The following NUP107 variants were observed in gnomAD, a reference collection of about 807,000 sequenced individuals.
NUP107 encodes nuclear pore complex protein Nup107.
Under a neutral mutation model 141.0 loss-of-function variants are expected in NUP107, and 101 were observed. The observed-to-expected ratio is 0.72, with a 90% CI of 0.61 to 0.84. The LOEUF is 0.84. NUP107 is among the 40% of genes least tolerant of loss of function. The pLI, the probability that NUP107 is intolerant of heterozygous loss-of-function variation, is 0.00. For synonymous variants in NUP107, 319 were observed against 363.9 expected (o/e 0.88, Z 1.41); for missense variants, 941 against 1,102.7 (o/e 0.85, Z 2.08).
chr12:68,732,883 A>C (rs1056560432), intron 23 of NUP107, 144 bp downstream of exon 23: 2 of 484,146 alleles, frequency 4.1e-6, no homozygotes, highest in Non-Finnish European at 7.3e-6. Flanking sequence ...GGGTCTCACT[A>C]TGTTGCCTAG....
chr12:68,726,346 G>C (rs919576188), intron 18 of NUP107, among the ~76,000 whole-genome samples, 153 bp from the exon 19 acceptor site: 1 of 152,168 alleles, frequency 6.6e-6, no homozygotes, highest in African/African-American at 2.4e-5. Context: ...CCCAAACTCT[G>C]TTTCAAAGAG....
chr12:68,711,224 G>A (rs1208819289), intron 10 of NUP107, among the ~76,000 whole-genome samples: 5 of 151,930 alleles, frequency 3.3e-5, no homozygotes, highest in South Asian at 4.2e-4. Flanking sequence ...GGTGGCGGGC[G>A]CCTGTAGTCC....
Position 68,719,592 on chromosome 12 carries a change from C to A in NUP107, c.1189C>A (p.Pro397Thr). 1 of 1,611,872 alleles carries A rather than the reference C, an allele frequency of 6.2e-7. No individual in the cohort carries two copies. Among genetic ancestry groups the A allele is most frequent in the African/African-American group, 1.3e-5 (1 of 74,964 alleles). ...CTATTTTATAGGAACAGAATTAGAA[C>A]CTGTTGAAGGGAATCCATATAGACG... ...PNVNGGTELEPVEGNPYRRIW... is the reference protein window; with the variant it reads ...PNVNGGTELETVEGNPYRRIW... Residue 397 changes from proline (P) to threonine (T), a missense_variant, in exon 14 of 28, where the codon CCT becomes ACT. Pro to Thr is a conservative substitution (Grantham distance 38). Transcript: ENST00000229179.
At chr12:68,696,225 C>G (rs1876045840) in intron 5 of NUP107, among the ~76,000 whole-genome samples, 1 of 151,720 alleles carries the variant, frequency 6.6e-6, no homozygotes, top group African/African-American at 2.4e-5. Context: ...GTTGGCTGGG[C>G]ATGGTGGCAC....
At position 68,735,452 on chromosome 12, in the gene NUP107, A is replaced by T. The variant is rs192335497; in HGVS notation, c.2502+108A>T. The T allele has an allele frequency of 2.0e-4, 150 of 750,438 alleles. No homozygotes were observed. The Admixed American group carries it at 3.1e-3, about 15-fold the overall frequency. 46.5% of individuals were successfully genotyped at this position (750,438 alleles called of 1,614,324 possible). A position where few individuals can be genotyped will look rare whatever the true frequency, so the allele number is the denominator to read the frequency against. On this transcript the variant is annotated intron_variant, in intron 26 of 27. Coordinates refer to ENST00000229179, the MANE Select transcript of NUP107 (RefSeq NM_020401.4). Reference sequence around the variant, plus strand: ...GCATCTACAGATTTTACATAATTGTAGATATAGCTAAATCCCATGTTTTAA... The same window carrying T: ...GCATCTACAGATTTTACATAATTGTTGATATAGCTAAATCCCATGTTTTAA...
In NUP107 at chr12:68,725,795, T is replaced by G; in HGVS notation, c.1575T>G (p.Asp525Glu). 7.1e-7 allele frequency: 1 copy of G among 1,399,692 alleles called. No homozygotes were observed. Among genetic ancestry groups the G allele is most frequent in the South Asian group, 1.2e-5 (1 of 80,624 alleles). 86.7% of individuals were successfully genotyped at this position (1,399,692 alleles called of 1,614,324 possible). A position where few individuals can be genotyped will look rare whatever the true frequency, so the allele number is the denominator to read the frequency against. The change falls in exon 18 of 28, where the codon GAT becomes GAG. Residue 525 changes from aspartate to glutamate, a missense_variant and splice_region_variant. Transcript: ENST00000229179. ...VQKFLILGDI[D>E]GLMDEFSKWL... ...AGTTTCTTATCCTGGGAGACATTGA[T>G]GGTAAGATATGGTTTTATTTTACTT...
At chr12:68,705,026 G>T (rs1388610437) in intron 8 of NUP107, among the ~76,000 whole-genome samples, 1 of 151,912 alleles carries the variant, frequency 6.6e-6, no homozygotes, top group Non-Finnish European at 1.5e-5. Flanking sequence ...AGGACTACAG[G>T]TGTGTACCAC....
chr12:68,688,987 C>G lies in NUP107; in HGVS notation c.34C>G (p.Pro12Ala). 6.2e-7 allele frequency: 1 copy of G among 1,613,458 alleles called. No individual in the cohort carries two copies. Among genetic ancestry groups the G allele is most frequent in the Non-Finnish European group, 8.5e-7 (1 of 1,179,594 alleles). ...GAGTGGCTTTGGAGAGATATCATCC[C>G]CTGTAATCCGGGAGGCAGAGGTGAC... ...DRSGFGEISSPVIREAEVTRT... is the reference protein window; with the variant it reads ...DRSGFGEISSAVIREAEVTRT... The change falls in exon 2 of 28, where the codon CCT becomes GCT. Residue 12 changes from proline (P) to alanine (A), a missense_variant. By Grantham distance (27) the Pro-to-Ala change is conservative. Transcript: ENST00000229179.
In NUP107 at chr12:68,691,939, G is replaced by A. The variant is rs754622949; in HGVS notation, c.304-29G>A. The A allele has an allele frequency of 1.3e-5, 21 of 1,557,298 alleles. No homozygotes were observed. In the Admixed American group the frequency reaches 4.2e-4, roughly 31 times the overall value. On this transcript the variant is annotated intron_variant, in intron 4 of 27. Coordinates refer to ENST00000229179, the MANE Select transcript of NUP107 (RefSeq NM_020401.4). ...GTGACAATAACTCCATCACTTTTCT[G>A]TATTTTTACTTTTTTGTTTTTTTTT...
Position 68,735,327 on chromosome 12 carries a change from A to G in NUP107, c.2485A>G (p.Met829Val), listed in dbSNP as rs1239540397. ...NVLLFVDGGW[M>V]VDVREDAKED... ...CTTGTTGTTTGTTGATGGAGGGTGG[A>G]TGGTGGATGTTAGAGAGGTAAGCTG... is the stretch of plus-strand genomic sequence containing the variant. The change falls in exon 26 of 28, where the codon ATG (methionine) becomes GTG (valine). Residue 829 changes from methionine to valine, a missense_variant. By Grantham distance (21) the Met-to-Val change is conservative (BLOSUM62 1). Coordinates refer to ENST00000229179, the MANE Select transcript of NUP107 (RefSeq NM_020401.4). 6.2e-7 allele frequency: 1 copy of G among 1,613,464 alleles called. No individual in the cohort carries two copies. Among genetic ancestry groups the G allele is most frequent in the Non-Finnish European group, 8.5e-7 (1 of 1,179,442 alleles).
At chr12:68,700,105 T>C (rs942735194) in intron 6 of NUP107, among the ~76,000 whole-genome samples, 6 of 152,092 alleles carry the variant, frequency 3.9e-5, no homozygotes, top group African/African-American at 1.4e-4. Context: ...GGTTTCACCA[T>C]GTTGGCCAGG....
intron 19 of NUP107, 55 bp downstream of exon 19, chr12:68,726,672 T>G (rs1318957897): frequency 9.3e-7 from 1 of 1,072,798 alleles, no homozygotes; most frequent in African/African-American, 1.6e-5. Context: ...TATATACCTA[T>G]TGTCAAGAAA....
chr12:68,715,322 C>T (rs558847134), intron 11 of NUP107, among the ~76,000 whole-genome samples: 11 of 152,160 alleles, frequency 7.2e-5, no homozygotes, highest in Admixed American at 3.9e-4. Context: ...GGTGAAACCC[C>T]GTCTCTACTA....
intron 10 of NUP107, among the ~76,000 whole-genome samples, chr12:68,712,418 C>CAAAA (rs745430819): frequency 1.9e-4 from 12 of 63,806 alleles, no homozygotes; most frequent in Admixed American, 5.4e-4. Flanking sequence ...AACTCCATCT[C>CAAAA]AAAAAAAAAA....
rs1360751819 is a variant in NUP107 at position 68,707,256 on chromosome 12, A to AT, written c.730-1973dup. 1.5e-3 allele frequency among the ~76,000 whole-genome samples: 232 copies of AT among 151,444 alleles called. 1 individual carries two copies. The highest frequency in any genetic ancestry group is 5.3e-3 in the African/African-American group (220 of 41,252). On this transcript the variant is annotated intron_variant, in intron 8 of 27. Coordinates refer to ENST00000229179, the MANE Select transcript of NUP107 (RefSeq NM_020401.4). ...ATGCCTACAGCTACAAAACAATGCA[A>AT]TTTTTTTTTCCAAAATAAAACCTCA... is the stretch of plus-strand genomic sequence containing the variant.
In NUP107 at chr12:68,692,096, T is replaced by A. The variant is rs1875825380; in HGVS notation, c.432T>A (p.Asp144Glu). The A allele has an allele frequency of 6.3e-7, 1 of 1,597,638 alleles. No individual in the cohort carries two copies. The highest frequency in any genetic ancestry group is 8.5e-7 in the Non-Finnish European group (1 of 1,175,342). ...TCAGTGCTGTTATGTTACGTGAGGA[T>A]GATCCTGGAGAAGCTGGTAAAATGG... ...VTISAVMLRE[D>E]DPGEAASMSM... Residue 144 changes from aspartate (D) to glutamate (E), a missense_variant, in exon 5 of 28, where the codon GAT (aspartate) becomes GAA (glutamate). Coordinates refer to ENST00000229179, the MANE Select transcript of NUP107 (RefSeq NM_020401.4).
intron 10 of NUP107, among the ~76,000 whole-genome samples, chr12:68,711,223 C>T (rs541098014): frequency 3.9e-5 from 6 of 152,120 alleles, no homozygotes; most frequent in South Asian, 2.1e-4. Flanking sequence ...TGGTGGCGGG[C>T]GCCTGTAGTC....
chr12:68,689,142 T>C, intron 2 of NUP107, 89 bp downstream of exon 2: 1 of 963,658 alleles, frequency 1.0e-6, no homozygotes. Context: ...GAGTATTAAA[T>C]GGTAGCTATA....
chr12:68,699,734 T>G (rs74103013), intron 6 of NUP107, among the ~76,000 whole-genome samples: 8,140 of 152,234 alleles, frequency 0.053, 706 homozygotes, highest in African/African-American at 0.18. Context: ...CTTCCTTAAT[T>G]CATCTTGACA....
Sources: allele counts gnomAD v4.1 joint callset (sites outside exome capture counted in the v4.1 genomes callset), GRCh38; gene constraint gnomAD v4.1.1; transcripts MANE v1.5; gene names NCBI Gene and HGNC (gene_info 2026-07-23, HGNC 2026-07-21).